Variants in LDB2 observed in about 807,000 individuals in gnomAD.
LDB2 encodes LIM domain-binding protein 2.
In LDB2, 12 loss-of-function variants were observed where a neutral mutation model predicts 44.3. That is an observed-to-expected ratio of 0.27 (90% confidence interval 0.17 to 0.44). The LOEUF is 0.44. Among genes scored for constraint, LDB2 ranks in the 20% least tolerant of loss-of-function variants. The probability of loss-of-function intolerance (pLI) is 1.00; values close to 1 mark genes in which losing one functional copy is unlikely to be tolerated. For synonymous variants in LDB2, 164 were observed against 174.8 expected, an observed-to-expected ratio of 0.94 and a Z score of 0.49; for missense variants, 344 against 473.5, an observed-to-expected ratio of 0.73 and a Z score of 2.54.
At chr4:16,631,937 A>C (rs543147952) in intron 2 of LDB2, among the ~76,000 whole-genome samples, 1 of 152,382 alleles carries the variant, frequency 6.6e-6, no homozygotes, top group East Asian at 1.9e-4. Flanking sequence ...AATTGAGGCA[A>C]TAATTAATAG....
intron 2 of LDB2, among the ~76,000 whole-genome samples, chr4:16,622,241 A>C (rs1729096122): frequency 6.6e-6 from 1 of 152,256 alleles, no homozygotes; most frequent in Non-Finnish European, 1.5e-5. Flanking sequence ...GCTTAGTTAG[A>C]GAAACTACAG....
At chr4:16,742,363 C>T (rs1763480798) in intron 2 of LDB2, among the ~76,000 whole-genome samples, 1 of 152,182 alleles carries the variant, frequency 6.6e-6, no homozygotes, top group African/African-American at 2.4e-5. Flanking sequence ...AGCCACCGCG[C>T]CCAGCCAACA....
At chr4:16,586,624 T>A (rs576896230) in intron 4 of LDB2, among the ~76,000 whole-genome samples, 1 of 152,084 alleles carries the variant, frequency 6.6e-6, no homozygotes, top group South Asian at 2.1e-4. Flanking sequence ...CCCCAACAAT[T>A]TTTATCCTGC....
chr4:16,649,658 G>A (rs544680205), intron 2 of LDB2, among the ~76,000 whole-genome samples: 1 of 152,250 alleles, frequency 6.6e-6, no homozygotes, highest in African/African-American at 2.4e-5. Context: ...TCCCTCATTT[G>A]TAAAATGGGG....
chr4:16,513,039 CCTT>C (rs1313098553), intron 5 of LDB2, among the ~76,000 whole-genome samples: 2 of 152,164 alleles, frequency 1.3e-5, no homozygotes, highest in Non-Finnish European at 2.9e-5. Flanking sequence ...CGGCCATGCA[CCTT>C]CTTCTGTGAA....
At chr4:16,604,314 T>A (rs539559773) in intron 2 of LDB2, among the ~76,000 whole-genome samples, 163 of 152,268 alleles carry the variant, frequency 1.1e-3, no homozygotes, top group Non-Finnish European at 1.7e-3. Context: ...TTCATTAATA[T>A]TAATAGCTTT....
At chr4:16,892,293 C>T (rs35999775) in intron 1 of LDB2, among the ~76,000 whole-genome samples, 3,732 of 149,944 alleles carry the variant, frequency 0.025, 70 homozygotes, top group Non-Finnish European at 0.039. Context: ...GTTTATATTT[C>T]CAGGCCCTGA....
chr4:16,797,646 A>G (rs1229833933), intron 1 of LDB2, among the ~76,000 whole-genome samples: 1 of 152,122 alleles, frequency 6.6e-6, no homozygotes, highest in Non-Finnish European at 1.5e-5. Context: ...TAATAATAAT[A>G]GCTAACATTT....
chr4:16,835,358 T>C (rs1784727427), intron 1 of LDB2, among the ~76,000 whole-genome samples: 1 of 152,222 alleles, frequency 6.6e-6, no homozygotes, highest in Admixed American at 6.5e-5. Flanking sequence ...TGCCTGTTCT[T>C]GAAATCATGT....
At chr4:16,723,553 T>C (rs899700188) in intron 2 of LDB2, among the ~76,000 whole-genome samples, 1 of 152,144 alleles carries the variant, frequency 6.6e-6, no homozygotes, top group African/African-American at 2.4e-5. Context: ...TTGGGGAATA[T>C]ATTTAAACCA....
At position 16,522,189 on chromosome 4, in the gene LDB2, G is replaced by T. The variant is rs893268121; in HGVS notation, c.616-10085C>A. On this transcript the variant is annotated intron_variant, in intron 5 of 7. Coordinates refer to ENST00000304523, the MANE Select transcript of LDB2 (RefSeq NM_001290.5). ...TATGATTGGACTATTACCAAGAGGG[G>T]GGCAGGGGTTTCACAGAAGACACTT... is the stretch of plus-strand genomic sequence containing the variant. Among the ~76,000 whole-genome samples the T allele has an allele frequency of 3.3e-5, 5 of 152,208 alleles. No homozygotes were observed. The South Asian group carries it at 6.2e-4, about 19-fold the overall frequency.
Position 16,502,513 on chromosome 4 carries a change from T to C in LDB2, c.*130A>G. On this transcript the variant is annotated 3_prime_UTR_variant, in exon 8 of 8. Transcript: ENST00000304523. ...AGAAAGAAGAAAGAAAATCAGATCA[T>C]TGTGGTTTAGAAATAGATATTTGCA... is the stretch of plus-strand genomic sequence containing the variant. 4 of 1,193,670 alleles carry C rather than the reference T, an allele frequency of 3.4e-6. No individual in the cohort carries two copies. Among genetic ancestry groups the C allele is most frequent in the Admixed American group, 2.2e-5 (1 of 45,738 alleles). 73.9% of individuals were successfully genotyped at this position (1,193,670 alleles called of 1,614,324 possible).
chr4:16,736,111 C>A (rs1270342691), intron 2 of LDB2, among the ~76,000 whole-genome samples: 1 of 152,194 alleles, frequency 6.6e-6, no homozygotes, highest in Non-Finnish European at 1.5e-5. Flanking sequence ...TCCTTCCCAC[C>A]TCCGGCTCTC....
chr4:16,630,117 AC>A (rs1731484013), intron 2 of LDB2, among the ~76,000 whole-genome samples: 2 of 152,146 alleles, frequency 1.3e-5, no homozygotes, highest in Admixed American at 6.5e-5. Flanking sequence ...GAGAAGAGAA[AC>A]CCCAAAACAC....
intron 2 of LDB2, among the ~76,000 whole-genome samples, chr4:16,661,181 G>A (rs577314103): frequency 4.6e-5 from 7 of 152,244 alleles, no homozygotes; most frequent in Admixed American, 2.0e-4. Context: ...TGTCTACAAA[G>A]GTAGGTATAT....
intron 1 of LDB2, among the ~76,000 whole-genome samples, chr4:16,808,579 T>C (rs1251199637): frequency 6.6e-6 from 1 of 152,178 alleles, no homozygotes; most frequent in East Asian, 1.9e-4. Context: ...AATGGAAGAT[T>C]CAAAGGAGAG....
chr4:16,572,325 C>T (rs1022652353), intron 5 of LDB2, among the ~76,000 whole-genome samples: 4 of 152,148 alleles, frequency 2.6e-5, no homozygotes, highest in Non-Finnish European at 5.9e-5. Context: ...TGCAATCCCT[C>T]GGCTTTCCCT....
chr4:16,655,196 T>C (rs1258680700), intron 2 of LDB2, among the ~76,000 whole-genome samples: 2 of 152,122 alleles, frequency 1.3e-5, no homozygotes, highest in East Asian at 3.9e-4. Flanking sequence ...GCATTAATAT[T>C]TGTGACACTA....
chr4:16,764,006 T>G (rs939029800), intron 1 of LDB2, among the ~76,000 whole-genome samples: 1 of 152,142 alleles, frequency 6.6e-6, no homozygotes, highest in Non-Finnish European at 1.5e-5. Flanking sequence ...AAGATATTCA[T>G]AGAGAATCTA....
Sources: gnomAD v4.1 joint callset for allele counts (sites outside exome capture counted in the v4.1 genomes callset) on GRCh38, gnomAD v4.1.1 for gene constraint, MANE v1.5 for transcripts, NCBI Gene and HGNC (gene_info 2026-07-23, HGNC 2026-07-21) for gene names.